SAMD4A: variants seen among roughly 807,000 people sequenced by gnomAD.
The protein encoded by SAMD4A is sterile alpha motif domain containing 4A.
Under a neutral mutation model 81.3 loss-of-function variants are expected in SAMD4A, and 33 were observed. That is an observed-to-expected ratio of 0.41 (90% CI 0.31 to 0.54). SAMD4A has a LOEUF of 0.54. Among genes scored for constraint, SAMD4A ranks in the 20% least tolerant of loss-of-function variants. SAMD4A has a pLI of 0.37. For missense variants in SAMD4A, 854 were observed against 951.1 expected, an observed-to-expected ratio of 0.90 and a Z score of 1.34; for synonymous variants, 389 against 382.1, an observed-to-expected ratio of 1.02 and a Z score of -0.21.
chr14:54,606,153 G>A (rs555270450), intron 2 of SAMD4A, among the ~76,000 whole-genome samples: 16 of 151,664 alleles, frequency 1.1e-4, no homozygotes, highest in African/African-American at 3.9e-4. Flanking sequence ...ACAAGGAAAA[G>A]AGCTCATTCC....
At chr14:54,659,878 G>T (rs2035600482) in intron 2 of SAMD4A, among the ~76,000 whole-genome samples, 1 of 152,170 alleles carries the variant, frequency 6.6e-6, no homozygotes, top group South Asian at 2.1e-4. Context: ...CCTCACTGTG[G>T]GTCATGGGGG....
chr14:54,749,186 T>C (rs970142636), intron 5 of SAMD4A, among the ~76,000 whole-genome samples: 25 of 152,188 alleles, frequency 1.6e-4, no homozygotes, highest in African/African-American at 6.0e-4. Flanking sequence ...AGGCATAATC[T>C]CGGCACACTT....
Position 54,752,781 on chromosome 14 carries a change from T to C in SAMD4A, c.1176+1244T>C, listed in dbSNP as rs1566619760. Reference sequence around the variant, plus strand: ...CACCGGTCTCTGAGTTCCCTGTTTTTATTGGTTACTATCTTCGTTATTTCA... The same window carrying C: ...CACCGGTCTCTGAGTTCCCTGTTTTCATTGGTTACTATCTTCGTTATTTCA... On this transcript the variant is annotated intron_variant, in intron 6 of 12. Coordinates refer to ENST00000554335, the MANE Select transcript of SAMD4A (RefSeq NM_015589.6). 1.3e-5 allele frequency among the ~76,000 whole-genome samples: 2 copies of C among 152,162 alleles called. 1 individual carries two copies. Among genetic ancestry groups the C allele is most frequent in the Admixed American group, 1.3e-4 (2 of 15,284 alleles).
chr14:54,712,513 A>G (rs780417245), intron 3 of SAMD4A, among the ~76,000 whole-genome samples: 1 of 152,176 alleles, frequency 6.6e-6, no homozygotes, highest in Non-Finnish European at 1.5e-5. Flanking sequence ...ACTACATTGT[A>G]AACATGACTC....
At chr14:54,748,951 G>T (rs1376573336) in intron 5 of SAMD4A, 27 bp downstream of exon 5, 1 of 1,504,276 alleles carries the variant, frequency 6.6e-7, no homozygotes, top group Admixed American at 2.0e-5. Flanking sequence ...ACTGTTCCCT[G>T]AGAGGGTGCC....
intron 11 of SAMD4A, among the ~76,000 whole-genome samples, chr14:54,776,910 A>G (rs898219953): frequency 9.2e-5 from 14 of 152,072 alleles, no homozygotes; most frequent in Admixed American, 2.0e-4. Flanking sequence ...TGAGACAGAG[A>G]AAGAGAAAAC....
intron 3 of SAMD4A, among the ~76,000 whole-genome samples, chr14:54,706,066 G>A (rs996724567): frequency 2.6e-5 from 4 of 152,030 alleles, no homozygotes; most frequent in Non-Finnish European, 4.4e-5. Context: ...AAAGCCTTTG[G>A]GCCAGGTACA....
chr14:54,589,312 T>C (rs1215080093), intron 2 of SAMD4A, among the ~76,000 whole-genome samples: 1 of 152,202 alleles, frequency 6.6e-6, no homozygotes, highest in Non-Finnish European at 1.5e-5. Context: ...ATGATAGTTC[T>C]CTGATTCACA....
intron 11 of SAMD4A, among the ~76,000 whole-genome samples, chr14:54,783,811 C>T (rs1360737225): frequency 2.6e-5 from 4 of 152,214 alleles, no homozygotes; most frequent in African/African-American, 4.8e-5. Context: ...CTAAGAGGTG[C>T]GTGCTGGGCC....
intron 2 of SAMD4A, among the ~76,000 whole-genome samples, chr14:54,602,120 A>G (rs1293955828): frequency 6.6e-6 from 1 of 152,170 alleles, no homozygotes; most frequent in African/African-American, 2.4e-5. Flanking sequence ...CTGGTTTAGA[A>G]GAGGAATGTG....
Position 54,588,757 on chromosome 14 carries a change from C to G in SAMD4A, c.196+20645C>G, listed in dbSNP as rs773920854. 4.7e-4 allele frequency among the ~76,000 whole-genome samples: 72 copies of G among 151,984 alleles called. 1 individual carries two copies. The highest frequency in any genetic ancestry group is 4.4e-3 in the Admixed American group (67 of 15,264). On this transcript the variant is annotated intron_variant, in intron 2 of 12. Transcript: ENST00000554335. ...TCTTCTGTCTCCTTTTCCATGAGAA[C>G]ATTTGTTTTTTCTTATTAATTTATT...
At chr14:54,764,725 C>T (rs2038491217) in intron 8 of SAMD4A, among the ~76,000 whole-genome samples, 185 bp downstream of exon 8, 1 of 152,190 alleles carries the variant, frequency 6.6e-6, no homozygotes, top group South Asian at 2.1e-4. Context: ...TTGAACATTA[C>T]TTTGGTGTCC....
At chr14:54,746,644 A>G (rs1293530751) in intron 4 of SAMD4A, among the ~76,000 whole-genome samples, 2 of 152,224 alleles carry the variant, frequency 1.3e-5, no homozygotes, top group Admixed American at 6.5e-5. Context: ...CCATGTTTAT[A>G]ACACGATTCA....
At chr14:54,693,101 T>C (rs2036492810) in intron 2 of SAMD4A, 2 of 151,968 alleles carry the variant, frequency 1.3e-5, no homozygotes, top group African/African-American at 4.8e-5. Context: ...ATGGGGAAAC[T>C]TTCCATCTTA....
At chr14:54,751,673 G>T in intron 6 of SAMD4A, 136 bp downstream of exon 6, 1 of 685,070 alleles carries the variant, frequency 1.5e-6, no homozygotes, top group Non-Finnish European at 2.6e-6. Flanking sequence ...AGAGAAAACG[G>T]AATGATTTTG....
At position 54,737,010 on chromosome 14, in the gene SAMD4A, A is replaced by G; in HGVS notation, c.716-14A>G. 1 of 1,594,520 alleles carries G rather than the reference A, an allele frequency of 6.3e-7. No homozygotes were observed. The highest frequency in any genetic ancestry group is 8.6e-7 in the Non-Finnish European group (1 of 1,167,008). On this transcript the variant is annotated splice_polypyrimidine_tract_variant and intron_variant, in intron 3 of 12. Coordinates refer to ENST00000554335, the MANE Select transcript of SAMD4A (RefSeq NM_015589.6). ...GGGGGGGAATAACCTATTTCATTTTATTTTTTTTTCCAGTTCTCTCAGGCC... is the reference window on the plus strand; with the variant it reads ...GGGGGGGAATAACCTATTTCATTTTGTTTTTTTTTCCAGTTCTCTCAGGCC...
intron 3 of SAMD4A, among the ~76,000 whole-genome samples, chr14:54,729,891 A>G (rs914245025): frequency 3.3e-5 from 5 of 152,212 alleles, no homozygotes; most frequent in Admixed American, 3.3e-4. Flanking sequence ...TTTAAAGTAT[A>G]TACATATTGG....
intron 2 of SAMD4A, among the ~76,000 whole-genome samples, chr14:54,623,701 T>C (rs2034677451): frequency 6.6e-6 from 1 of 152,076 alleles, no homozygotes; most frequent in African/African-American, 2.4e-5. Context: ...CATGTAGAAA[T>C]GTTCTGAACA....
chr14:54,669,445 C>CTT (rs11406251), intron 2 of SAMD4A, among the ~76,000 whole-genome samples: 11,496 of 103,314 alleles, frequency 0.11, 955 homozygotes, highest in South Asian at 0.14. Context: ...ACGCTTCTTT[C>CTT]TTTTTTTTTT....
Sources: allele counts gnomAD v4.1 joint callset (sites outside exome capture counted in the v4.1 genomes callset), GRCh38; gene constraint gnomAD v4.1.1; transcripts MANE v1.5; gene names NCBI Gene and HGNC (gene_info 2026-07-23, HGNC 2026-07-21).